The following EDARADD variants were observed in gnomAD, a reference collection of about 807,000 sequenced individuals.
The protein encoded by EDARADD is ectodysplasin-A receptor-associated adapter protein.
EDARADD carries 20 observed loss-of-function variants against 25.6 expected under a neutral mutation model. The ratio of observed to expected loss-of-function variants is 0.78; its 90% CI spans 0.55 to 1.14. The LOEUF (loss-of-function observed/expected upper bound fraction) is 1.14. Ranked by LOEUF, EDARADD falls within the 50% of genes most tolerant of loss-of-function variation. EDARADD has a pLI of 0.00. For synonymous variants in EDARADD, 86 were observed against 94.4 expected, an observed-to-expected ratio of 0.91 and a Z score of 0.52; for missense variants, 225 against 270.1, an observed-to-expected ratio of 0.83 and a Z score of 1.17.
At position 236,397,004 on chromosome 1, in the gene EDARADD, AGAGAGATACACTGCATG is replaced by A. The variant is rs560205960; in HGVS notation, c.61+2504_61+2520del. Among the ~76,000 whole-genome samples the A allele has an allele frequency of 4.1e-3, 621 of 151,524 alleles. 3 individuals carry two copies. The highest frequency in any genetic ancestry group is 0.014 in the African/African-American group (592 of 41,300). ...GGTGGGGGAATTCAAAAAGATCTTG[AGAGAGATACACTGCATG>A]GAGATAAAATGTAAAATCTACTTGG... On this transcript the variant is annotated intron_variant, in intron 1 of 5. Coordinates refer to ENST00000334232, the MANE Select transcript of EDARADD (RefSeq NM_145861.4).
At chr1:236,428,953 G>A (rs1173574265) in intron 4 of EDARADD, among the ~76,000 whole-genome samples, 1 of 152,110 alleles carries the variant, frequency 6.6e-6, no homozygotes, top group Non-Finnish European at 1.5e-5. Flanking sequence ...GGCCAACAGG[G>A]CGAAACCCCG....
chr1:236,449,556 G>A (rs1658653234), intron 4 of EDARADD, among the ~76,000 whole-genome samples: 1 of 152,226 alleles, frequency 6.6e-6, no homozygotes, highest in African/African-American at 2.4e-5. Flanking sequence ...TTCCAGACCA[G>A]CCTCCACTGT....
At chr1:236,392,662 G>GTATT (rs1174202061), upstream of EDARADD, among the ~76,000 whole-genome samples, 84 of 150,338 alleles carry the variant, frequency 5.6e-4, no homozygotes, top group South Asian at 1.5e-3. Context: ...ATTTGTATTT[G>GTATT]TATTTATTTA....
Position 236,414,309 on chromosome 1 carries a change from G to C in EDARADD, c.160+10G>C, listed in dbSNP as rs1290316224. The C allele has an allele frequency of 1.9e-6, 3 of 1,599,662 alleles. No individual in the cohort carries two copies. Among genetic ancestry groups the C allele is most frequent in the African/African-American group, 1.3e-5 (1 of 74,562 alleles). On this transcript the variant is annotated intron_variant, in intron 3 of 5. Transcript: ENST00000334232. ...ACGGAACTCCCTAAAGGTATGTACA[G>C]TTAAAATAACTACTTGAACATGTGA...
intron 3 of EDARADD, among the ~76,000 whole-genome samples, chr1:236,375,120 T>C (rs962405883): frequency 6.6e-6 from 1 of 152,082 alleles, no homozygotes; most frequent in African/African-American, 2.4e-5. Context: ...GTTTGCAATA[T>C]ACATTTACAG....
chr1:236,390,390 C>T (rs896041631), upstream of EDARADD, among the ~76,000 whole-genome samples: 1 of 152,026 alleles, frequency 6.6e-6, no homozygotes, highest in Admixed American at 6.6e-5. Flanking sequence ...CCCATCTCTA[C>T]TAAAAATACA....
intron 3 of EDARADD, among the ~76,000 whole-genome samples, chr1:236,376,703 G>T: frequency 6.6e-6 from 1 of 152,040 alleles, no homozygotes; most frequent in East Asian, 1.9e-4. Context: ...ACGTGGTTTG[G>T]TGTCTGACAT....
chr1:236,393,441 G>C (rs1667457781), upstream of EDARADD, among the ~76,000 whole-genome samples: 1 of 114,186 alleles, frequency 8.8e-6, no homozygotes, highest in Admixed American at 1.4e-4. Context: ...TGTCGCCCAG[G>C]CTGGAGTGCC....
At chr1:236,434,583 G>A (rs1316905125) in intron 4 of EDARADD, among the ~76,000 whole-genome samples, 1 of 152,056 alleles carries the variant, frequency 6.6e-6, no homozygotes, top group East Asian at 1.9e-4. Context: ...ATCAGCATTA[G>A]TATATTTTAC....
At chr1:236,360,285 A>T (rs1374099563) in intron 3 of EDARADD, among the ~76,000 whole-genome samples, 2 of 152,016 alleles carry the variant, frequency 1.3e-5, no homozygotes, top group Non-Finnish European at 2.9e-5. Context: ...GAGCCATTGC[A>T]CTCCAGCCTG....
chr1:236,480,469 G>A (rs901051944), intron 5 of EDARADD, among the ~76,000 whole-genome samples: 2 of 151,950 alleles, frequency 1.3e-5, no homozygotes, highest in African/African-American at 2.4e-5. Flanking sequence ...TATTTTCAAG[G>A]CTCTTGTTTT....
At chr1:236,428,511 C>T (rs564779300) in intron 4 of EDARADD, among the ~76,000 whole-genome samples, 106 of 152,006 alleles carry the variant, frequency 7.0e-4, no homozygotes, top group Non-Finnish European at 9.0e-4. Flanking sequence ...GGGTGGCGGC[C>T]GGGCAGAGGG....
chr1:236,447,480 G>A (rs1481337149), intron 4 of EDARADD, among the ~76,000 whole-genome samples: 2 of 151,872 alleles, frequency 1.3e-5, no homozygotes, highest in Non-Finnish European at 2.9e-5. Flanking sequence ...GGTCACACAT[G>A]TACCTCTTAC....
intron 4 of EDARADD, among the ~76,000 whole-genome samples, chr1:236,458,316 A>G (rs1010420835): frequency 3.3e-5 from 5 of 152,056 alleles, no homozygotes; most frequent in Non-Finnish European, 7.4e-5. Flanking sequence ...GCTGTGGGGT[A>G]TCATTAAACC....
intron 3 of EDARADD, among the ~76,000 whole-genome samples, chr1:236,378,820 A>G (rs1158927496): frequency 6.6e-6 from 1 of 152,110 alleles, no homozygotes; most frequent in African/African-American, 2.4e-5. Flanking sequence ...TAAAATGATC[A>G]TCTTGTGTAC....
chr1:236,472,120 G>T (rs1172261461), intron 5 of EDARADD, among the ~76,000 whole-genome samples: 1 of 152,114 alleles, frequency 6.6e-6, no homozygotes. Flanking sequence ...ATACGATGGA[G>T]AGGAGGGAGG....
intron 4 of EDARADD, among the ~76,000 whole-genome samples, chr1:236,459,510 T>C (rs1658981604): frequency 6.6e-6 from 1 of 152,136 alleles, no homozygotes; most frequent in African/African-American, 2.4e-5. Flanking sequence ...AAACTCATTG[T>C]AGAGAAGAAA....
chr1:236,359,288 T>C (rs1667018342), intron 3 of EDARADD, among the ~76,000 whole-genome samples: 2 of 152,210 alleles, frequency 1.3e-5, no homozygotes, highest in African/African-American at 4.8e-5. Context: ...TAATTCCCAA[T>C]GCAACAATCT....
intron 4 of EDARADD, among the ~76,000 whole-genome samples, chr1:236,455,600 G>T (rs1208192453): frequency 6.6e-6 from 1 of 152,226 alleles, no homozygotes; most frequent in Non-Finnish European, 1.5e-5. Flanking sequence ...ACTGCCTAGA[G>T]CACATACTTG....
Sources: allele counts gnomAD v4.1 joint callset (sites outside exome capture counted in the v4.1 genomes callset), GRCh38; gene constraint gnomAD v4.1.1; transcripts MANE v1.5; gene names NCBI Gene and HGNC (gene_info 2026-07-23, HGNC 2026-07-21).